Variants in DIP2C observed in about 807,000 individuals in gnomAD.
The protein encoded by DIP2C is disco-interacting protein 2 homolog C.
In DIP2C, 33 loss-of-function variants were observed where a neutral mutation model predicts 192.4. That is an observed-to-expected ratio of 0.17 (90% CI 0.13 to 0.23). The LOEUF (loss-of-function observed/expected upper bound fraction) is 0.23, where lower values mean the gene tolerates loss of function less well. DIP2C is among the 10% of genes least tolerant of loss of function. The probability of loss-of-function intolerance (pLI) is 1.00; values close to 1 mark genes in which losing one functional copy is unlikely to be tolerated. For synonymous variants in DIP2C, 979 were observed against 864.1 expected, an observed-to-expected ratio of 1.13 and a Z score of -2.33; for missense variants, 1,537 against 2,110.1, an observed-to-expected ratio of 0.73 and a Z score of 5.32.
chr10:582,475 TGGG>T (rs1010257817), intron 1 of DIP2C, among the ~76,000 whole-genome samples: 1 of 152,078 alleles, frequency 6.6e-6, no homozygotes, highest in Non-Finnish European at 1.5e-5. Context: ...CCCAGCTACT[TGGG>T]GGACTGAGGT....
At chr10:282,847 C>T (rs1220173208) in intron 35 of DIP2C, among the ~76,000 whole-genome samples, 1 of 152,254 alleles carries the variant, frequency 6.6e-6, no homozygotes, top group African/African-American at 2.4e-5. Flanking sequence ...GGGGCAGACC[C>T]AGTCCTAGAA....
In DIP2C at chr10:580,372, G is replaced by GTA. The variant is rs537142815; in HGVS notation, c.86-93844_86-93843dup. On this transcript the variant is annotated intron_variant, in intron 1 of 36. Coordinates refer to ENST00000280886, the MANE Select transcript of DIP2C (RefSeq NM_014974.3). ...ATGCATGCTTACAGTGTGCACACAT[G>GTA]TATATATATAAGTACACAAATGTGC... Among the ~76,000 whole-genome samples the GTA allele has an allele frequency of 7.2e-5, 11 of 152,232 alleles. No individual in the cohort carries two copies. The South Asian group carries it at 1.2e-3, about 17-fold the overall frequency.
intron 1 of DIP2C, among the ~76,000 whole-genome samples, chr10:642,773 C>T (rs189947879): frequency 1.8e-4 from 28 of 152,340 alleles, no homozygotes; most frequent in African/African-American, 5.3e-4. Context: ...GCCCTTCATG[C>T]GTCTGTACCC....
At chr10:529,572 A>G (rs1306464589) in intron 1 of DIP2C, among the ~76,000 whole-genome samples, 2 of 152,214 alleles carry the variant, frequency 1.3e-5, no homozygotes, top group Non-Finnish European at 2.9e-5. Context: ...AACAGAAAAG[A>G]CAGGAGACAG....
At chr10:518,020 G>GGTGGGGTGGGC (rs1717781134) in intron 1 of DIP2C, among the ~76,000 whole-genome samples, 2 of 152,224 alleles carry the variant, frequency 1.3e-5, no homozygotes, top group African/African-American at 4.8e-5. Flanking sequence ...TAGGCAGTTT[G>GGTGGGGTGGGC]GTGGGGTGGG....
At chr10:665,049 A>G (rs1857001554) in intron 1 of DIP2C, 1 of 152,256 alleles carries the variant, frequency 6.6e-6, no homozygotes, top group South Asian at 2.1e-4. Flanking sequence ...CTGCTGAGGA[A>G]CAGATCAATT....
chr10:593,072 T>C (rs948714285), intron 1 of DIP2C, among the ~76,000 whole-genome samples: 3 of 152,190 alleles, frequency 2.0e-5, no homozygotes, highest in Admixed American at 1.3e-4. Context: ...ATTATGCCAG[T>C]AGTGGCCGGG....
rs1957309838 is a variant in DIP2C at position 327,186 on chromosome 10, A to T, written c.3754-10T>A. 4 of 1,611,690 alleles carry T rather than the reference A, an allele frequency of 2.5e-6. No individual in the cohort carries two copies. Among genetic ancestry groups the T allele is most frequent in the Non-Finnish European group, 3.4e-6 (4 of 1,179,202 alleles). On this transcript the variant is annotated splice_polypyrimidine_tract_variant and intron_variant, in intron 30 of 36. Transcript: ENST00000280886. ...AGTCCAGCCCTCGCGCCTGGAGATG[A>T]TGACAGAGAAACCGAGTCAGCCCCC...
chr10:595,228 G>A (rs1290537936), intron 1 of DIP2C, among the ~76,000 whole-genome samples: 5 of 152,136 alleles, frequency 3.3e-5, no homozygotes, highest in African/African-American at 1.2e-4. Flanking sequence ...GTCCCCTCAC[G>A]CAGGTTTACT....
intron 2 of DIP2C, among the ~76,000 whole-genome samples, chr10:476,474 G>A (rs1539229): frequency 0.89 from 135,654 of 152,204 alleles, 62,074 homozygotes; most frequent in East Asian, 0.99. Context: ...AGCATTTGAT[G>A]CGTCACTCAT....
chr10:294,984 CAA>C (rs1159405944), intron 32 of DIP2C, among the ~76,000 whole-genome samples: 1 of 151,746 alleles, frequency 6.6e-6, no homozygotes, highest in African/African-American at 2.4e-5. Flanking sequence ...ACCCAAAAAA[CAA>C]AAAGAAAACT....
At chr10:387,149 C>T (rs1366591157) in intron 14 of DIP2C, among the ~76,000 whole-genome samples, 11 of 152,214 alleles carry the variant, frequency 7.2e-5, no homozygotes, top group Non-Finnish European at 1.3e-4. Flanking sequence ...CAACCTTTGA[C>T]GTTATTCTAA....
chr10:446,514 C>T (rs779539682), intron 3 of DIP2C, among the ~76,000 whole-genome samples: 1 of 152,174 alleles, frequency 6.6e-6, no homozygotes, highest in Non-Finnish European at 1.5e-5. Context: ...TAAATAAGGC[C>T]CTGTGTCTTC....
chr10:579,242 G>T (rs115074860), intron 1 of DIP2C, among the ~76,000 whole-genome samples: 1,570 of 151,760 alleles, frequency 0.01, 27 homozygotes, highest in African/African-American at 0.036. Context: ...TACGTACATA[G>T]GTACACTAAC....
chr10:458,418 C>A (rs1157169702), intron 3 of DIP2C, among the ~76,000 whole-genome samples: 2 of 152,242 alleles, frequency 1.3e-5, no homozygotes, highest in Non-Finnish European at 2.9e-5. Context: ...TACGGTGACC[C>A]CCATGATGGC....
chr10:369,955 A>G (rs1960764848), intron 17 of DIP2C: 23 of 985,342 alleles, frequency 2.3e-5, no homozygotes, highest in Non-Finnish European at 2.7e-5. Context: ...CAGGCCCTGC[A>G]CAGACCAGCT....
intron 1 of DIP2C, among the ~76,000 whole-genome samples, chr10:505,483 C>G (rs1054795465): frequency 3.3e-5 from 5 of 152,218 alleles, no homozygotes; most frequent in African/African-American, 1.2e-4. Context: ...CCCAGCTGTA[C>G]TTCCTGGCAA....
intron 31 of DIP2C, chr10:325,039 G>T (rs746218808): frequency 1.2e-5 from 6 of 490,816 alleles, no homozygotes; most frequent in Non-Finnish European, 2.5e-5. Flanking sequence ...GCAAAGGAAG[G>T]CGGATCATGA....
chr10:514,893 C>G (rs532449094), intron 1 of DIP2C, among the ~76,000 whole-genome samples: 1 of 152,224 alleles, frequency 6.6e-6, no homozygotes, highest in African/African-American at 2.4e-5. Context: ...ATTCTAGGTG[C>G]CTGCAATAAC....
Sources: allele counts gnomAD v4.1 joint callset (sites outside exome capture counted in the v4.1 genomes callset), GRCh38; gene constraint gnomAD v4.1.1; transcripts MANE v1.5; gene names NCBI Gene and HGNC (gene_info 2026-07-23, HGNC 2026-07-21).